The following FHIT variants were observed in gnomAD, a reference collection of about 807,000 sequenced individuals.
FHIT encodes fragile histidine triad diadenosine triphosphatase.
A neutral mutation model predicts 17.9 loss-of-function variants in FHIT; 19 were observed. The ratio of observed to expected loss-of-function variants is 1.06; its 90% CI spans 0.74 to 1.56. The LOEUF (loss-of-function observed/expected upper bound fraction) is 1.56. FHIT is among the 40% of genes most tolerant of loss of function. The probability of loss-of-function intolerance (pLI) is 0.00; values close to 1 mark genes in which losing one functional copy is unlikely to be tolerated. For synonymous variants in FHIT, 81 were observed against 69.7 expected, an observed-to-expected ratio of 1.16 and a Z score of -0.81; for missense variants, 248 against 189.2, an observed-to-expected ratio of 1.31 and a Z score of -1.82.
intron 4 of FHIT, 86 bp downstream of exon 4, chr3:60,821,833 G>A (rs1371413593): frequency 2.0e-5 from 3 of 152,024 alleles, no homozygotes; most frequent in Admixed American, 6.6e-5. Flanking sequence ...AAGTACATAG[G>A]AACATTACTA....
At chr3:60,575,973 G>A (rs1015723598) in intron 4 of FHIT, among the ~76,000 whole-genome samples, 1 of 152,038 alleles carries the variant, frequency 6.6e-6, no homozygotes, top group African/African-American at 2.4e-5. Context: ...AGTTGCAGAA[G>A]GACACAGTTA....
intron 8 of FHIT, among the ~76,000 whole-genome samples, chr3:59,895,249 T>C (rs1004030063): frequency 4.6e-5 from 7 of 152,366 alleles, no homozygotes; most frequent in South Asian, 2.1e-4. Flanking sequence ...TGTGGACTCA[T>C]TGCTAAATGT....
intron 5 of FHIT, among the ~76,000 whole-genome samples, chr3:60,093,407 C>T (rs547834138): frequency 6.6e-6 from 1 of 152,286 alleles, no homozygotes; most frequent in East Asian, 1.9e-4. Context: ...CTTGAGATTA[C>T]ACTGAGCCCA....
At chr3:59,949,455 G>A (rs1707002191) in intron 7 of FHIT, among the ~76,000 whole-genome samples, 1 of 152,166 alleles carries the variant, frequency 6.6e-6, no homozygotes, top group Non-Finnish European at 1.5e-5. Context: ...ACTATACCTG[G>A]ATTTTCATTC....
chr3:60,522,532 G>C (rs1373850275), intron 5 of FHIT, among the ~76,000 whole-genome samples: 2 of 152,180 alleles, frequency 1.3e-5, no homozygotes, highest in Non-Finnish European at 2.9e-5. Context: ...GGAGTTGCGG[G>C]AGTGATAAAC....
intron 7 of FHIT, among the ~76,000 whole-genome samples, chr3:59,996,863 C>A (rs1012850665): frequency 2.6e-5 from 4 of 152,086 alleles, no homozygotes; most frequent in African/African-American, 9.7e-5. Context: ...AGTGAAATGA[C>A]AGAACCCCTG....
intron 3 of FHIT, among the ~76,000 whole-genome samples, chr3:60,971,068 G>A (rs865992124): frequency 1.3e-5 from 2 of 152,006 alleles, no homozygotes; most frequent in African/African-American, 4.8e-5. Flanking sequence ...TCACACATAC[G>A]AAAAAATAAT....
In FHIT at chr3:61,045,074, C is replaced by T. The variant is rs2033717603; in HGVS notation, c.-163-2975G>A. ...CAATACTAGGAAGAAACTGCATCAA[C>T]TAAGAAGCCAAATAACCAGCTAACA... On this transcript the variant is annotated intron_variant, in intron 2 of 9. Transcript: ENST00000492590. Among the ~76,000 whole-genome samples, 3 of 152,170 alleles carry T rather than the reference C, an allele frequency of 2.0e-5. No individual in the cohort carries two copies. The South Asian group carries it at 6.2e-4, about 32-fold the overall frequency.
At chr3:60,085,495 G>T (rs545249924) in intron 5 of FHIT, among the ~76,000 whole-genome samples, 1 of 152,268 alleles carries the variant, frequency 6.6e-6, no homozygotes, top group Non-Finnish European at 1.5e-5. Flanking sequence ...TGACAGTAGG[G>T]ATTTTTATCT....
At chr3:61,173,182 C>G (rs1383139187) in intron 2 of FHIT, among the ~76,000 whole-genome samples, 3 of 152,106 alleles carry the variant, frequency 2.0e-5, no homozygotes, top group Non-Finnish European at 4.4e-5. Context: ...CTAGATGTAA[C>G]CTAGAAGTTC....
chr3:61,192,574 A>G (rs2038747185), intron 2 of FHIT, among the ~76,000 whole-genome samples: 1 of 152,144 alleles, frequency 6.6e-6, no homozygotes, highest in Non-Finnish European at 1.5e-5. Context: ...TAATTCCCCT[A>G]TTGTTTGAAC....
rs183369073 is a variant in FHIT at position 60,092,791 on chromosome 3, A to T, written c.104-78639T>A. Among the ~76,000 whole-genome samples, 7 of 152,336 alleles carry T rather than the reference A, an allele frequency of 4.6e-5. No homozygotes were observed. The East Asian group carries it at 1.3e-3, about 29-fold the overall frequency. On this transcript the variant is annotated intron_variant, in intron 5 of 9. Transcript: ENST00000492590. The stretch of plus-strand genomic sequence containing the variant: ...TTCACTGTGAGCAAAAGAACTCTGT[A>T]AGCAAATCAAAAATATCAGTGCTAA...
chr3:60,414,560 A>C, intron 5 of FHIT, among the ~76,000 whole-genome samples: 1 of 152,212 alleles, frequency 6.6e-6, no homozygotes. Context: ...AGAACCTGAA[A>C]GCAAATTTAT....
intron 3 of FHIT, among the ~76,000 whole-genome samples, chr3:60,977,609 C>A (rs998575620): frequency 6.6e-6 from 1 of 152,124 alleles, no homozygotes; most frequent in Non-Finnish European, 1.5e-5. Context: ...CGGTGGTTCA[C>A]GCCTGTAATC....
At chr3:60,081,393 C>A (rs111552349) in intron 5 of FHIT, among the ~76,000 whole-genome samples, 20 of 152,256 alleles carry the variant, frequency 1.3e-4, no homozygotes, top group African/African-American at 2.6e-4. Flanking sequence ...CAACCCCATG[C>A]AGCCTGATCC....
At chr3:60,506,474 G>A (rs1198387449) in intron 5 of FHIT, among the ~76,000 whole-genome samples, 1 of 152,208 alleles carries the variant, frequency 6.6e-6, no homozygotes, top group Non-Finnish European at 1.5e-5. Context: ...TCTCGGACAA[G>A]TGTGTTTACT....
chr3:60,554,455 C>G (rs1451145458), intron 4 of FHIT, among the ~76,000 whole-genome samples: 1 of 152,110 alleles, frequency 6.6e-6, no homozygotes, highest in Non-Finnish European at 1.5e-5. Flanking sequence ...CCACAGATAT[C>G]ACAGATATTC....
intron 2 of FHIT, among the ~76,000 whole-genome samples, chr3:61,191,894 A>G (rs1452894066): frequency 6.6e-6 from 1 of 152,148 alleles, no homozygotes; most frequent in Non-Finnish European, 1.5e-5. Context: ...CTAAGCCACC[A>G]GGGATGAGCC....
At chr3:60,321,833 C>A (rs945769459) in intron 5 of FHIT, among the ~76,000 whole-genome samples, 2 of 152,234 alleles carry the variant, frequency 1.3e-5, no homozygotes, top group African/African-American at 2.4e-5. Context: ...ATGGCGCCTT[C>A]TTGAAGCATC....
Sources: gnomAD v4.1 joint callset for allele counts (sites outside exome capture counted in the v4.1 genomes callset) on GRCh38, gnomAD v4.1.1 for gene constraint, MANE v1.5 for transcripts, NCBI Gene and HGNC (gene_info 2026-07-23, HGNC 2026-07-21) for gene names.